The following TMPRSS9 variants were observed in gnomAD, a reference collection of about 807,000 sequenced individuals.
The protein encoded by TMPRSS9 is transmembrane serine protease 9, also known as transmembrane protease serine 9.
TMPRSS9 carries 113 observed loss-of-function variants against 111.4 expected under a neutral mutation model. The ratio of observed to expected loss-of-function variants is 1.01; its 90% CI spans 0.87 to 1.19. TMPRSS9 has a LOEUF of 1.19. Ranked by LOEUF, TMPRSS9 falls within the 50% of genes most tolerant of loss-of-function variation. The probability of loss-of-function intolerance (pLI) is 0.00; values close to 1 mark genes in which losing one functional copy is unlikely to be tolerated. For synonymous variants in TMPRSS9, 805 were observed against 659.1 expected (o/e 1.22, Z -3.39); for missense variants, 1,803 against 1,513.1 (o/e 1.19, Z -3.18).
intron 2 of TMPRSS9, among the ~76,000 whole-genome samples, 186 bp downstream of exon 3, chr19:2,396,852 G>C (rs1336864398): frequency 6.6e-6 from 1 of 152,206 alleles, no homozygotes; most frequent in Non-Finnish European, 1.5e-5. Context: ...GCAGATACCT[G>C]CAAGGCAGAG....
At chr19:2,374,481 A>G (rs994631958) in intron 1 of TMPRSS9, among the ~76,000 whole-genome samples, 22 of 151,660 alleles carry the variant, frequency 1.5e-4, no homozygotes, top group African/African-American at 5.1e-4. Context: ...GACTGAGGCT[A>G]GAGGATTGCT....
intron 2 of TMPRSS9, among the ~76,000 whole-genome samples, chr19:2,396,952 A>T (rs893162244): frequency 6.7e-6 from 1 of 149,102 alleles, no homozygotes; most frequent in Non-Finnish European, 1.5e-5. Flanking sequence ...ACGGAGTCTC[A>T]CTCTGTCACC....
intron 1 of TMPRSS9, among the ~76,000 whole-genome samples, chr19:2,371,185 T>A (rs1970287192): frequency 6.6e-6 from 1 of 151,950 alleles, no homozygotes; most frequent in Non-Finnish European, 1.5e-5. Flanking sequence ...AAACCAAGAC[T>A]CTCCCCAGCT....
chr19:2,413,785 C>A lies in TMPRSS9; in HGVS notation c.1340C>A (p.Ala447Glu), dbSNP rs200337763. The A allele has an allele frequency of 6.2e-7, 1 of 1,613,822 alleles. No homozygotes were observed. The highest frequency in any genetic ancestry group is 8.5e-7 in the Non-Finnish European group (1 of 1,179,990). ...ATCGTGAGCTGGGGAATCGGGTGTG[C>A]GGAAGCCCGGCGTCCAGGGGTCTAT... The change falls in exon 10 of 18, where the codon GCG becomes GAG. Residue 447 changes from alanine (A) to glutamate (E), a missense_variant. Ala to Glu is a moderately radical substitution (Grantham distance 107, BLOSUM62 -1). Transcript: ENST00000648592.
chr19:2,413,065 CGT>C (rs1397614936), intron 9 of TMPRSS9, among the ~76,000 whole-genome samples: 1 of 151,918 alleles, frequency 6.6e-6, no homozygotes, highest in African/African-American at 2.4e-5. Context: ...CGTGGTGATG[CGT>C]GCCTATAATC....
At chr19:2,383,079 C>T (rs1032479090) in intron 1 of TMPRSS9, among the ~76,000 whole-genome samples, 17 of 152,256 alleles carry the variant, frequency 1.1e-4, no homozygotes, top group African/African-American at 3.1e-4. Flanking sequence ...TTGGGCTTGG[C>T]GCAGTGGCTC....
chr19:2,425,472 G>A (rs1004210887), exon 17 of TMPRSS9: 2 of 1,590,212 alleles, frequency 1.3e-6, no homozygotes, highest in East Asian at 2.3e-5. Flanking sequence ...GCTTCCCGCA[G>A]GGTGGCGTGG....
chr19:2,408,058 A>C (rs1971007904), intron 7 of TMPRSS9, among the ~76,000 whole-genome samples: 3 of 151,988 alleles, frequency 2.0e-5, no homozygotes, highest in African/African-American at 7.2e-5. Context: ...CTGGGATTAC[A>C]GGCATGAGCC....
At position 2,415,738 on chromosome 19, in the gene TMPRSS9, G is replaced by T; in HGVS notation, c.1642G>T (p.Glu548Ter). The change falls in exon 11 of 18, where the codon GAG (glutamate) becomes TAG (stop). Residue 548 changes from glutamate to a stop codon, truncating the protein, a stop_gained. Transcript: ENST00000648592. LOFTEE classifies it high-confidence loss of function. ...GGGCGGGTTCGGAGCTGCCTCCGGGGAGGTGCCCTGGCAGGTCAGCCTGAA... is the reference window on the plus strand; with the variant it reads ...GGGCGGGTTCGGAGCTGCCTCCGGGTAGGTGCCCTGGCAGGTCAGCCTGAA... 1.9e-6 allele frequency: 3 copies of T among 1,610,430 alleles called. No homozygotes were observed. The highest frequency in any genetic ancestry group is 2.5e-6 in the Non-Finnish European group (3 of 1,178,506).
exon 4 of TMPRSS9, chr19:2,399,186 G>A: frequency 6.3e-7 from 1 of 1,597,498 alleles, no homozygotes; most frequent in South Asian, 1.1e-5. Context: ...TGTCGGCTGA[G>A]CTCACAGGTG....
At chr19:2,365,876 A>T (rs531093704) in intron 1 of TMPRSS9, among the ~76,000 whole-genome samples, 1 of 152,280 alleles carries the variant, frequency 6.6e-6, no homozygotes, top group East Asian at 1.9e-4. Flanking sequence ...AGGTGGGAGG[A>T]TTGCTTCAAC....
chr19:2,396,613 C>T (rs17685098), exon 2 of TMPRSS9: 451,432 of 1,606,922 alleles, frequency 0.28, 68,812 homozygotes, highest in East Asian at 0.57. Context: ...CAGCAGTTTG[C>T]GGCGGGAGAC....
Position 2,426,131 on chromosome 19 carries a change from C to T in TMPRSS9, c.*43C>T, listed in dbSNP as rs929799159. 5 of 1,577,836 alleles carry T rather than the reference C, an allele frequency of 3.2e-6. No homozygotes were observed. The Admixed American group carries it at 5.7e-5, about 18-fold the overall frequency. ...AGGCCGAGACTCTACGTGAAAGCAA[C>T]AGGAGCAGCAGGCCACCCAACACCC... On this transcript the variant is annotated 3_prime_UTR_variant, in exon 18 of 18. Transcript: ENST00000648592.
intron 8 of TMPRSS9, among the ~76,000 whole-genome samples, chr19:2,409,922 C>T (rs3893882): frequency 0.092 from 14,024 of 151,866 alleles, 937 homozygotes; most frequent in East Asian, 0.26. Flanking sequence ...GGGGGCTGAC[C>T]TGAGGCCAAC....
chr19:2,415,717 G>C, exon 11 of TMPRSS9: 1 of 1,608,940 alleles, frequency 6.2e-7, no homozygotes, highest in Non-Finnish European at 8.5e-7. Flanking sequence ...GGTCGTGGGC[G>C]GGTTCGGAGC....
intron 1 of TMPRSS9, among the ~76,000 whole-genome samples, chr19:2,374,504 G>A (rs1013164227): frequency 5.3e-5 from 8 of 151,846 alleles, no homozygotes; most frequent in Admixed American, 3.3e-4. Context: ...AACCTGGGAG[G>A]CGGAGGTTGC....
exon 8 of TMPRSS9, chr19:2,408,366 C>G: frequency 6.2e-7 from 1 of 1,612,906 alleles, no homozygotes; most frequent in Non-Finnish European, 8.5e-7. Context: ...GTTCCAAGAC[C>G]CGACGAAGTG....
chr19:2,407,613 T>C (rs71339104), intron 7 of TMPRSS9, among the ~76,000 whole-genome samples: 2,117 of 26,662 alleles, frequency 0.079, 42 homozygotes, highest in African/African-American at 0.24. Flanking sequence ...CTTTTCTTTT[T>C]TTTTTTTTTT....
intron 1 of TMPRSS9, among the ~76,000 whole-genome samples, chr19:2,373,226 T>A (rs1970304133): frequency 1.3e-5 from 2 of 152,116 alleles, no homozygotes; most frequent in South Asian, 4.1e-4. Context: ...TCTTTTTTTA[T>A]TTTTATATAT....
Sources: allele counts gnomAD v4.1 joint callset (sites outside exome capture counted in the v4.1 genomes callset), GRCh38; gene constraint gnomAD v4.1.1; transcripts MANE v1.5; gene names NCBI Gene and HGNC (gene_info 2026-07-23, HGNC 2026-07-21).